Variants in HNMT observed in about 807,000 individuals in gnomAD.
HNMT encodes histamine N-methyltransferase.
In HNMT, 30 loss-of-function variants were observed where a neutral mutation model predicts 32.1. That is an observed-to-expected ratio of 0.93 (90% CI 0.70 to 1.27). HNMT has a LOEUF of 1.27. HNMT is among the 50% of genes most tolerant of loss of function. The pLI, the probability that HNMT is intolerant of heterozygous loss-of-function variation, is 0.00. For synonymous variants in HNMT, 125 were observed against 119.0 expected (o/e 1.05, Z -0.33); for missense variants, 327 against 346.0 (o/e 0.95, Z 0.43).
intron 2 of HNMT, among the ~76,000 whole-genome samples, chr2:137,990,216 A>C (rs1573661034): frequency 6.6e-6 from 1 of 152,244 alleles, no homozygotes; most frequent in East Asian, 1.9e-4. Flanking sequence ...TTACAGTTTT[A>C]TGTTTTACAC....
In HNMT at chr2:138,002,161, G is replaced by T; in HGVS notation, c.396G>T (p.Glu132Asp). Residue 132 changes from glutamate (E) to aspartate (D), a missense_variant, in exon 4 of 6, where the codon GAG becomes GAT. By Grantham distance (45) the Glu-to-Asp change is conservative. Transcript: ENST00000280097. ...AAAGTAGAATGTTGGAGAAAAAGGA[G>T]CTTCAAAAGTGGGACTTTATTCATA... ...EYQSRMLEKK[E>D]LQKWDFIHMI... 6.3e-7 allele frequency: 1 copy of T among 1,592,480 alleles called. No homozygotes were observed. Among genetic ancestry groups the T allele is most frequent in the South Asian group, 1.1e-5 (1 of 88,558 alleles).
At chr2:137,967,096 G>C in intron 1 of HNMT, 1 of 780,512 alleles carries the variant, frequency 1.3e-6, no homozygotes, top group Non-Finnish European at 2.4e-6. Flanking sequence ...CTGTCTTTTA[G>C]ATACCAGAAT....
At chr2:137,985,152 G>T (rs984810243) in intron 2 of HNMT, among the ~76,000 whole-genome samples, 1 of 151,652 alleles carries the variant, frequency 6.6e-6, no homozygotes, top group Non-Finnish European at 1.5e-5. Flanking sequence ...CCTAAAACGT[G>T]CATGGACAAA....
At chr2:137,970,933 A>AAAAAAGAAAGAAAGAAAG (rs1424481237) in intron 2 of HNMT, among the ~76,000 whole-genome samples, 8 of 86,692 alleles carry the variant, frequency 9.2e-5, no homozygotes, top group African/African-American at 3.6e-4. Flanking sequence ...AAAAAAAAAA[A>AAAAAAGAAAGAAAGAAAG]AAAGAAAGAA....
At chr2:137,989,558 T>G (rs77632658) in intron 2 of HNMT, among the ~76,000 whole-genome samples, 1 of 152,240 alleles carries the variant, frequency 6.6e-6, no homozygotes, top group Non-Finnish European at 1.5e-5. Flanking sequence ...CTAATAAACA[T>G]CTATGTGCAG....
intron 2 of HNMT, among the ~76,000 whole-genome samples, chr2:137,975,562 T>C (rs1037446176): frequency 1.3e-5 from 2 of 152,206 alleles, no homozygotes; most frequent in African/African-American, 4.8e-5. Context: ...TACTTAGCAA[T>C]GACTAGCTAT....
chr2:137,996,284 C>A (rs1680991398), intron 2 of HNMT, among the ~76,000 whole-genome samples: 1 of 152,178 alleles, frequency 6.6e-6, no homozygotes, highest in African/African-American at 2.4e-5. Context: ...ATCATCTCAG[C>A]CTAAAAACTT....
At chr2:137,981,476 C>T (rs1419925616) in intron 2 of HNMT, 2 of 981,404 alleles carry the variant, frequency 2.0e-6, no homozygotes, top group Admixed American at 4.1e-5. Flanking sequence ...ACCGCAGCTT[C>T]CCCTTTCTTT....
At chr2:137,971,439 A>C (rs529908639) in intron 2 of HNMT, among the ~76,000 whole-genome samples, 1 of 152,132 alleles carries the variant, frequency 6.6e-6, no homozygotes, top group Non-Finnish European at 1.5e-5. Flanking sequence ...TGGCCTCCCA[A>C]AGTGCTGGGA....
intron 2 of HNMT, among the ~76,000 whole-genome samples, chr2:137,978,350 T>C (rs868016238): frequency 5.5e-5 from 8 of 146,502 alleles, no homozygotes; most frequent in Admixed American, 4.8e-4. Context: ...TATATGATTA[T>C]ATAATATAGT....
intron 5 of HNMT, among the ~76,000 whole-genome samples, chr2:138,011,945 T>C (rs913126674): frequency 6.6e-6 from 1 of 152,138 alleles, no homozygotes. Context: ...GGCTTCATAC[T>C]CAGGCAGTTG....
At chr2:137,985,300 A>C (rs1680621100) in intron 2 of HNMT, among the ~76,000 whole-genome samples, 1 of 152,220 alleles carries the variant, frequency 6.6e-6, no homozygotes, top group Non-Finnish European at 1.5e-5. Flanking sequence ...GTCCATCAAC[A>C]ATGCAAGTGG....
At chr2:137,984,778 AT>A (rs1011089631) in intron 2 of HNMT, among the ~76,000 whole-genome samples, 7 of 152,236 alleles carry the variant, frequency 4.6e-5, no homozygotes, top group Admixed American at 1.3e-4. Context: ...ACTTAAAAAA[AT>A]CATAAAAATA....
chr2:138,005,460 T>G (rs2737379), intron 5 of HNMT, among the ~76,000 whole-genome samples: 2 of 151,882 alleles, frequency 1.3e-5, no homozygotes, highest in Admixed American at 1.3e-4. Flanking sequence ...GGAAAATATG[T>G]CTTTGTCTTC....
Position 137,965,033 on chromosome 2 carries a change from C to A in HNMT, c.137+405C>A, listed in dbSNP as rs113403119. Among the ~76,000 whole-genome samples the A allele has an allele frequency of 6.9e-3, 1,053 of 152,202 alleles. 9 individuals carry two copies. Among genetic ancestry groups the A allele is most frequent in the African/African-American group, 0.024 (1,000 of 41,498 alleles). ...CATTAGAATCAAATATAAATAATTG[C>A]CAAAGTACGATTTGCCCTGAGGATT... On this transcript the variant is annotated intron_variant, in intron 1 of 5. Coordinates refer to ENST00000280097, the MANE Select transcript of HNMT (RefSeq NM_006895.3).
chr2:137,971,543 G>A (rs1982494), intron 2 of HNMT, among the ~76,000 whole-genome samples: 80,803 of 151,912 alleles, frequency 0.53, 22,256 homozygotes, highest in East Asian at 0.66. Flanking sequence ...CATTCTAGGG[G>A]AAAATTTAAA....
chr2:137,988,729 G>T (rs1426112677), intron 2 of HNMT: 1 of 152,068 alleles, frequency 6.6e-6, no homozygotes, highest in African/African-American at 2.4e-5. Context: ...ATGAAAATTA[G>T]CCTGGCATGG....
intron 2 of HNMT, chr2:137,981,281 C>T (rs555381356): frequency 1.2e-5 from 20 of 1,613,470 alleles, no homozygotes; most frequent in East Asian, 2.2e-5. Context: ...GTGTAGCACC[C>T]GTCAGAAAGA....
intron 5 of HNMT, among the ~76,000 whole-genome samples, chr2:138,011,766 A>G (rs994386613): frequency 6.6e-6 from 1 of 152,158 alleles, no homozygotes; most frequent in Non-Finnish European, 1.5e-5. Context: ...TGCCAAATCC[A>G]GTTTAACACT....
Sources: allele counts gnomAD v4.1 joint callset (sites outside exome capture counted in the v4.1 genomes callset), GRCh38; gene constraint gnomAD v4.1.1; transcripts MANE v1.5; gene names NCBI Gene and HGNC (gene_info 2026-07-23, HGNC 2026-07-21).